RANBP17: variants seen among roughly 807,000 people sequenced by gnomAD.
RANBP17 encodes ran-binding protein 17.
A neutral mutation model predicts 141.2 loss-of-function variants in RANBP17; 158 were observed. That is an observed-to-expected ratio of 1.12 (90% CI 0.98 to 1.28). The LOEUF (loss-of-function observed/expected upper bound fraction) is 1.28, where lower values mean the gene tolerates loss of function less well. Ranked by LOEUF, RANBP17 falls within the 50% of genes most tolerant of loss-of-function variation. The probability of loss-of-function intolerance (pLI) is 0.00; values close to 1 mark genes in which losing one functional copy is unlikely to be tolerated. For missense variants in RANBP17, 1,438 were observed against 1,290.7 expected, an observed-to-expected ratio of 1.11 and a Z score of -1.75; for synonymous variants, 430 against 450.0, an observed-to-expected ratio of 0.96 and a Z score of 0.56.
chr5:171,071,268 G>A (rs1784619715), intron 14 of RANBP17, among the ~76,000 whole-genome samples: 1 of 151,990 alleles, frequency 6.6e-6, no homozygotes, highest in South Asian at 2.1e-4. Flanking sequence ...ATATTGTTAA[G>A]ATGTCAGTTT....
rs1422155 is a variant in RANBP17 at position 170,892,785 on chromosome 5, A to G, written c.423+232A>G. ...AATAATCATGTTTTCTAATTTCAAA[A>G]TGTGTGTACATTTATGACACATATG... On this transcript the variant is annotated intron_variant, in intron 4 of 27. Transcript: ENST00000523189. 0.14 allele frequency among the ~76,000 whole-genome samples: 21,481 copies of G among 152,220 alleles called. 2,170 individuals carry two copies. Among genetic ancestry groups the G allele is most frequent in the East Asian group, 0.44 (2,252 of 5,174 alleles).
At chr5:171,180,099 G>C (rs1345295272) in intron 16 of RANBP17, among the ~76,000 whole-genome samples, 1 of 152,110 alleles carries the variant, frequency 6.6e-6, no homozygotes, top group Non-Finnish European at 1.5e-5. Context: ...TTAGTTTAAT[G>C]GGTTACTGCC....
Position 171,293,962 on chromosome 5 carries a change from T to C in RANBP17, c.3023T>C (p.Leu1008Pro), listed in dbSNP as rs1196612708. ...TCAGTATCCAGGCCTCTCCTGGGGC[T>C]CATCCTGCTCAATGAGAAGGTGAGT... ...QWSVSRPLLG[L>P]ILLNEKYFSE... The change falls in exon 26 of 28, where the codon CTC (leucine) becomes CCC (proline). Residue 1008 changes from leucine to proline, a missense_variant. Leu to Pro is a moderately conservative substitution (Grantham distance 98). Transcript: ENST00000523189. 6.2e-7 allele frequency: 1 copy of C among 1,613,060 alleles called. No homozygotes were observed. Among genetic ancestry groups the C allele is most frequent in the Non-Finnish European group, 8.5e-7 (1 of 1,179,112 alleles).
At chr5:171,247,515 G>C (rs1198698235) in intron 24 of RANBP17, among the ~76,000 whole-genome samples, 1 of 152,180 alleles carries the variant, frequency 6.6e-6, no homozygotes, top group Non-Finnish European at 1.5e-5. Flanking sequence ...GTACAGAAAA[G>C]TTGAATCAGT....
At chr5:171,252,329 A>T in intron 24 of RANBP17, 4 of 1,544,666 alleles carry the variant, frequency 2.6e-6, no homozygotes, top group Non-Finnish European at 2.7e-6. Context: ...ATGCGGGTTC[A>T]TGAGATTTTT....
chr5:171,165,913 T>G (rs905822803), intron 14 of RANBP17, among the ~76,000 whole-genome samples: 1 of 152,186 alleles, frequency 6.6e-6, no homozygotes, highest in African/African-American at 2.4e-5. Flanking sequence ...ATTTTACCAG[T>G]GTTCATCCCA....
At chr5:171,038,130 T>G (rs1782002146) in intron 14 of RANBP17, among the ~76,000 whole-genome samples, 1 of 151,632 alleles carries the variant, frequency 6.6e-6, no homozygotes, top group African/African-American at 2.4e-5. Context: ...TGTAGAAATC[T>G]TTACCTTTTT....
chr5:171,057,613 T>C (rs1342064288), intron 14 of RANBP17, among the ~76,000 whole-genome samples: 1 of 151,958 alleles, frequency 6.6e-6, no homozygotes, highest in East Asian at 1.9e-4. Flanking sequence ...ATGTATTTAT[T>C]AGTCTGTTCT....
intron 3 of RANBP17, among the ~76,000 whole-genome samples, chr5:170,885,042 C>G (rs996601217): frequency 1.3e-5 from 2 of 151,858 alleles, no homozygotes; most frequent in African/African-American, 4.8e-5. Context: ...AGGCTTAGAC[C>G]TTTTGTCGCC....
chr5:171,026,582 A>G (rs543289572), intron 14 of RANBP17, among the ~76,000 whole-genome samples: 1 of 152,312 alleles, frequency 6.6e-6, no homozygotes, highest in Admixed American at 6.5e-5. Context: ...ATTTATATTC[A>G]CACAATGATT....
intron 16 of RANBP17, among the ~76,000 whole-genome samples, chr5:171,175,672 T>C (rs1404275394): frequency 1.3e-5 from 2 of 152,008 alleles, no homozygotes; most frequent in African/African-American, 4.8e-5. Context: ...AACAAACATA[T>C]GAAAAAAAGC....
chr5:171,258,250 A>C (rs1766053098), intron 24 of RANBP17, among the ~76,000 whole-genome samples: 1 of 152,156 alleles, frequency 6.6e-6, no homozygotes, highest in South Asian at 2.1e-4. Context: ...TGACACAAAT[A>C]AATGGAAAAA....
chr5:171,180,026 C>T (rs571993111), intron 16 of RANBP17, among the ~76,000 whole-genome samples: 2 of 152,312 alleles, frequency 1.3e-5, no homozygotes, highest in East Asian at 3.9e-4. Flanking sequence ...ATCAATAAGA[C>T]TGTCTTCACC....
intron 18 of RANBP17, among the ~76,000 whole-genome samples, chr5:171,196,042 A>G (rs1005127185): frequency 6.6e-6 from 1 of 152,220 alleles, no homozygotes; most frequent in Non-Finnish European, 1.5e-5. Context: ...TGTGATGGAA[A>G]TAGAACAATT....
intron 14 of RANBP17, among the ~76,000 whole-genome samples, chr5:171,163,714 A>G (rs1759494291): frequency 6.6e-6 from 1 of 152,190 alleles, no homozygotes; most frequent in Non-Finnish European, 1.5e-5. Context: ...AGTCATTCCA[A>G]TAGATTGAAA....
At position 171,097,248 on chromosome 5, in the gene RANBP17, C is replaced by T. The variant is rs534628847; in HGVS notation, c.1711-72882C>T. Among the ~76,000 whole-genome samples, 3 of 152,028 alleles carry T rather than the reference C, an allele frequency of 2.0e-5. No individual in the cohort carries two copies. In the South Asian group the frequency reaches 6.2e-4, roughly 32 times the overall value. On this transcript the variant is annotated intron_variant, in intron 14 of 27. Transcript: ENST00000523189. ...TTATAAAAATTTAGAATACCATATC[C>T]CTATAATTTTTCATCTAATAATCTC...
chr5:171,055,215 A>G (rs911113910), intron 14 of RANBP17, among the ~76,000 whole-genome samples: 23 of 152,200 alleles, frequency 1.5e-4, no homozygotes, highest in Admixed American at 7.9e-4. Context: ...ATACTGATCC[A>G]GATTTTTACA....
intron 5 of RANBP17, among the ~76,000 whole-genome samples, chr5:170,901,869 A>T (rs1770666122): frequency 6.6e-6 from 1 of 152,120 alleles, no homozygotes; most frequent in African/African-American, 2.4e-5. Context: ...TCTGGCTTGT[A>T]GGGTTTCTGC....
Position 171,076,076 on chromosome 5 carries a change from A to G in RANBP17, c.1711-94054A>G, listed in dbSNP as rs186973285. Among the ~76,000 whole-genome samples, 37 of 152,380 alleles carry G rather than the reference A, an allele frequency of 2.4e-4. No individual in the cohort carries two copies. The East Asian group carries it at 7.1e-3, about 29-fold the overall frequency. ...AAGACAAAAAGATGTACATATGACT[A>G]TATTTACTGCAGCACTGCTTGTAAT... On this transcript the variant is annotated intron_variant, in intron 14 of 27. Coordinates refer to ENST00000523189, the MANE Select transcript of RANBP17 (RefSeq NM_022897.5).
Sources: gnomAD v4.1 joint callset for allele counts (sites outside exome capture counted in the v4.1 genomes callset) on GRCh38, gnomAD v4.1.1 for gene constraint, MANE v1.5 for transcripts, NCBI Gene and HGNC (gene_info 2026-07-23, HGNC 2026-07-21) for gene names.